Variants in RBFOX3 observed in about 807,000 individuals in gnomAD.
RBFOX3 encodes the protein RNA binding protein fox-1 homolog 3.
RBFOX3 carries 17 observed loss-of-function variants against 48.7 expected under a neutral mutation model. The ratio of observed to expected loss-of-function variants is 0.35; its 90% CI spans 0.24 to 0.52. RBFOX3 has a LOEUF of 0.52. Ranked by LOEUF, RBFOX3 falls within the 20% of genes least tolerant of loss-of-function variation. The probability of loss-of-function intolerance (pLI) is 0.94; values close to 1 mark genes in which losing one functional copy is unlikely to be tolerated. For synonymous variants in RBFOX3, 212 were observed against 209.5 expected (o/e 1.01, Z -0.10); for missense variants, 382 against 497.5 (o/e 0.77, Z 2.21).
intron 2 of RBFOX3, among the ~76,000 whole-genome samples, chr17:79,403,006 T>G (rs1365944228): frequency 6.6e-6 from 1 of 152,140 alleles, no homozygotes; most frequent in Non-Finnish European, 1.5e-5. Context: ...TCATCTGCTC[T>G]GCTGTGGGAA....
At chr17:79,158,604 G>A (rs563020715) in intron 4 of RBFOX3, among the ~76,000 whole-genome samples, 4 of 152,340 alleles carry the variant, frequency 2.6e-5, no homozygotes, top group South Asian at 2.1e-4. Context: ...GGCAGGCAGG[G>A]TCTGCTCCCG....
At chr17:79,430,448 T>A (rs1404014009) in intron 2 of RBFOX3, among the ~76,000 whole-genome samples, 1 of 152,008 alleles carries the variant, frequency 6.6e-6, no homozygotes, top group Non-Finnish European at 1.5e-5. Flanking sequence ...CTTTTAGGAG[T>A]CTCTTAATCA....
intron 2 of RBFOX3, among the ~76,000 whole-genome samples, chr17:79,350,858 C>T (rs2083798888): frequency 6.6e-6 from 1 of 152,202 alleles, no homozygotes; most frequent in Non-Finnish European, 1.5e-5. Context: ...GGCGACTCTC[C>T]CACCTTCCAG....
Position 79,474,571 on chromosome 17 carries a change from G to A in RBFOX3, c.-175+7883C>T, listed in dbSNP as rs1162233163. Among the ~76,000 whole-genome samples, 3 of 152,210 alleles carry A rather than the reference G, an allele frequency of 2.0e-5. No individual in the cohort carries two copies. The East Asian group carries it at 5.8e-4, about 29-fold the overall frequency. ...AGGGAACACAGGGAGCAAAGTCTGT[G>A]CAGAAGGTCACCTCACTCACATTTG... On this transcript the variant is annotated intron_variant, in intron 2 of 14. Transcript: ENST00000693108.
rs915343109 is a variant in RBFOX3, at chr17:79,443,145, C to T, written c.-175+39309G>A. 2.6e-5 allele frequency among the ~76,000 whole-genome samples: 4 copies of T among 152,164 alleles called. No homozygotes were observed. The highest frequency in any genetic ancestry group is 5.9e-5 in the Non-Finnish European group (4 of 68,032). On this transcript the variant is annotated intron_variant, in intron 2 of 14. Transcript: ENST00000693108. The surrounding 1 kb of genome is among the most constrained non-coding windows in gnomAD (Gnocchi z 4.4). ...GGAGCTCAGCCTCCCATGTCGCCTC[C>T]CCAACCAGCCACCTGGGAACCCGAG...
chr17:79,180,504 C>T (rs1309154329), intron 4 of RBFOX3, among the ~76,000 whole-genome samples: 1 of 152,226 alleles, frequency 6.6e-6, no homozygotes, highest in Non-Finnish European at 1.5e-5. Context: ...CCTGCAGCCC[C>T]CACCTGGGAG....
At position 79,443,287 on chromosome 17, in the gene RBFOX3, C is replaced by T. The variant is rs1259420103; in HGVS notation, c.-175+39167G>A. ...ACCAGGCCTCTGCCACCGGCCTCGC[C>T]ACGGGGGAGACCAGGCCAAGGCCTT... On this transcript the variant is annotated intron_variant, in intron 2 of 14. Coordinates refer to ENST00000693108, the MANE Select transcript of RBFOX3 (RefSeq NM_001350451.2). The surrounding 1 kb of genome is among the most constrained non-coding windows in gnomAD (Gnocchi z 4.4). Among the ~76,000 whole-genome samples, 7 of 152,242 alleles carry T rather than the reference C, an allele frequency of 4.6e-5. No homozygotes were observed. Among genetic ancestry groups the T allele is most frequent in the African/African-American group, 1.7e-4 (7 of 41,466 alleles).
At chr17:79,207,696 G>A (rs1036775188) in intron 4 of RBFOX3, among the ~76,000 whole-genome samples, 4 of 152,154 alleles carry the variant, frequency 2.6e-5, no homozygotes, top group African/African-American at 7.2e-5. Context: ...GGGGGTGTCT[G>A]CAAGTCTCTG....
intron 1 of RBFOX3, among the ~76,000 whole-genome samples, chr17:79,592,455 G>A (rs980748743): frequency 3.3e-5 from 5 of 151,946 alleles, no homozygotes; most frequent in Admixed American, 2.6e-4. Context: ...GTGGACAGGT[G>A]TGCATGTGTG....
intron 2 of RBFOX3, among the ~76,000 whole-genome samples, chr17:79,314,355 G>A (rs762764828): frequency 6.6e-6 from 1 of 151,888 alleles, no homozygotes; most frequent in Admixed American, 6.6e-5. Context: ...GGGCTCTCTC[G>A]TGGGCACAGT....
chr17:79,315,021 A>G (rs545904345), intron 2 of RBFOX3, among the ~76,000 whole-genome samples: 2 of 152,086 alleles, frequency 1.3e-5, no homozygotes, highest in Non-Finnish European at 2.9e-5. Context: ...TTCTCCAAAA[A>G]TTTTTTGAGA....
At chr17:79,449,394 T>TC (rs1555740149) in intron 2 of RBFOX3, among the ~76,000 whole-genome samples, 1 of 151,436 alleles carries the variant, frequency 6.6e-6, no homozygotes, top group African/African-American at 2.4e-5. Context: ...AGTTCCCGGG[T>TC]CCCCCTCTCA....
At chr17:79,603,858 G>C (rs1237805562) in intron 1 of RBFOX3, 4 of 152,238 alleles carry the variant, frequency 2.6e-5, no homozygotes, top group Non-Finnish European at 5.9e-5. Context: ...GGGTGGCAAG[G>C]CTGGGAAGGG....
At position 79,479,290 on chromosome 17, in the gene RBFOX3, C is replaced by A. The variant is rs797040454; in HGVS notation, c.-175+3164G>T. On this transcript the variant is annotated intron_variant, in intron 2 of 14. Coordinates refer to ENST00000693108, the MANE Select transcript of RBFOX3 (RefSeq NM_001350451.2). The surrounding 1 kb of genome is among the most constrained non-coding windows in gnomAD (Gnocchi z 5.1). ...GCTGCAGGGAGAACCCAGGAGCTCG[C>A]GGGGCAGGAGGGTGTCTACAGGCAC... Among the ~76,000 whole-genome samples the A allele has an allele frequency of 3.2e-3, 488 of 152,252 alleles. 2 individuals are homozygous for A. The highest frequency in any genetic ancestry group is 0.012 in the African/African-American group (479 of 41,542).
chr17:79,243,506 G>A lies in RBFOX3; in HGVS notation c.-73-7701C>T, dbSNP rs997393859. ...GCCCTGGGGTGTCATTTGGGACTGT[G>A]GAGTCGACCACAGTCAATTGCTTGG... On this transcript the variant is annotated intron_variant, in intron 3 of 14. Coordinates refer to ENST00000693108, the MANE Select transcript of RBFOX3 (RefSeq NM_001350451.2). This position sits in a 1 kb window ranked among gnomAD's most constrained non-coding sequence, Gnocchi z 7.9. 8.5e-5 allele frequency among the ~76,000 whole-genome samples: 13 copies of A among 152,104 alleles called. No individual in the cohort carries two copies. Among genetic ancestry groups the A allele is most frequent in the Admixed American group, 2.0e-4 (3 of 15,284 alleles).
At chr17:79,625,143 G>A in the RBFOX3 span, among the ~76,000 whole-genome samples, 1 of 151,984 alleles carries the variant, frequency 6.6e-6, no homozygotes, top group Non-Finnish European at 1.5e-5. Context: ...GCCCTGATGT[G>A]CCCTCCTCCT....
At chr17:79,653,515 G>T in the RBFOX3 span, among the ~76,000 whole-genome samples, 1 of 152,170 alleles carries the variant, frequency 6.6e-6, no homozygotes, top group African/African-American at 2.4e-5. Flanking sequence ...GAAGATTGAG[G>T]TTTCATTGTT....
chr17:79,468,630 G>A (rs2076629634), intron 2 of RBFOX3, among the ~76,000 whole-genome samples: 1 of 151,824 alleles, frequency 6.6e-6, no homozygotes, highest in African/African-American at 2.4e-5. Flanking sequence ...TAGGCAGGCA[G>A]ATAGACAGAA....
chr17:79,630,377 G>A, the RBFOX3 span, among the ~76,000 whole-genome samples: 1 of 152,160 alleles, frequency 6.6e-6, no homozygotes, highest in Non-Finnish European at 1.5e-5. Flanking sequence ...TGTTGCTGTT[G>A]TTTTTATTTG....
Sources: gnomAD v4.1 joint callset for allele counts (sites outside exome capture counted in the v4.1 genomes callset) on GRCh38, gnomAD v4.1.1 for gene constraint, Gnocchi (gnomAD v3.1) non-coding constraint, MANE v1.5 for transcripts, NCBI Gene and HGNC (gene_info 2026-07-23, HGNC 2026-07-21) for gene names.